Variants in NDUFB8 observed in about 807,000 individuals in gnomAD.
NDUFB8 encodes NADH dehydrogenase [ubiquinone] 1 beta subcomplex subunit 8, mitochondrial.
NDUFB8 carries 17 observed loss-of-function variants against 26.0 expected under a neutral mutation model. The observed-to-expected ratio is 0.65, with a 90% CI of 0.45 to 0.98. NDUFB8 has a LOEUF of 0.98. Ranked by LOEUF, NDUFB8 falls within the 50% of genes least tolerant of loss-of-function variation. NDUFB8 has a pLI of 0.00. For synonymous variants in NDUFB8, 89 were observed against 93.1 expected, an observed-to-expected ratio of 0.96 and a Z score of 0.25; for missense variants, 238 against 255.0, an observed-to-expected ratio of 0.93 and a Z score of 0.45.
chr10:100,526,324 T>G lies in NDUFB8; in HGVS notation c.468+75A>C, dbSNP rs1345092973. On this transcript the variant is annotated intron_variant, in intron 4 of 4. Coordinates refer to ENST00000299166, the MANE Select transcript of NDUFB8 (RefSeq NM_005004.4). ...CCAAGCTTGGTATTGACTGGATTCCTACCCCAGAGACTTCACTCCCTCAGG... is the reference window on the plus strand; with the variant it reads ...CCAAGCTTGGTATTGACTGGATTCCGACCCCAGAGACTTCACTCCCTCAGG... 12 of 1,487,076 alleles carry G rather than the reference T, an allele frequency of 8.1e-6. No individual in the cohort carries two copies. In the South Asian group the frequency reaches 1.4e-4, roughly 18 times the overall value. The allele number at this position is 1,487,076 out of a possible 1,614,324, so 92.1% of individuals were successfully genotyped here.
intron 3 of NDUFB8, 166 bp downstream of exon 3, chr10:100,526,809 G>T: frequency 1.4e-6 from 1 of 737,316 alleles, no homozygotes; most frequent in Non-Finnish European, 2.3e-6. Context: ...ATTCCCAGAC[G>T]TCCCATTCAG....
chr10:100,525,717 C>CGT (rs71013460), intron 4 of NDUFB8, among the ~76,000 whole-genome samples: 781 of 46,024 alleles, frequency 0.017, 103 homozygotes, highest in Middle Eastern at 0.028. Context: ...TAAGCACATA[C>CGT]GTGTGTGTGT....
rs1589745291 is a variant in NDUFB8 at position 100,523,743 on chromosome 10, C to G, written c.*94G>C. ...TCCTGGGGAAATGAGGCACAAATAA[C>G]ACAGCACTGAGTTTTATTAGGGATT... On this transcript the variant is annotated 3_prime_UTR_variant, in exon 5 of 5. Transcript: ENST00000299166. 7 of 1,196,374 alleles carry G rather than the reference C, an allele frequency of 5.9e-6. No homozygotes were observed. Among genetic ancestry groups the G allele is most frequent in the Admixed American group, 2.1e-5 (1 of 47,670 alleles). 74.1% of individuals were successfully genotyped at this position (1,196,374 alleles called of 1,614,324 possible). A position where few individuals can be genotyped will look rare whatever the true frequency, so the allele number is the denominator to read the frequency against.
At position 100,524,095 on chromosome 10, in the gene NDUFB8, C is replaced by T; in HGVS notation, c.469-166G>A. 1 of 1,576,438 alleles carries T rather than the reference C, an allele frequency of 6.3e-7. No individual in the cohort carries two copies. The highest frequency in any genetic ancestry group is 8.6e-7 in the Non-Finnish European group (1 of 1,161,676). On this transcript the variant is annotated intron_variant, in intron 4 of 4. Transcript: ENST00000299166. This position sits in a 1 kb window ranked among gnomAD's most constrained non-coding sequence, Gnocchi z 4.0. ...CAGCACTCCTCTTCCTCACTCAGCCCAAGGCAGAGAGAAAGCCTAAATTGT... is the reference window on the plus strand; with the variant it reads ...CAGCACTCCTCTTCCTCACTCAGCCTAAGGCAGAGAGAAAGCCTAAATTGT...
intron 4 of NDUFB8, 54 bp from the exon 5 acceptor site, chr10:100,523,983 A>G: frequency 1.2e-6 from 2 of 1,612,076 alleles, no homozygotes; most frequent in Non-Finnish European, 1.7e-6. Context: ...ATACCTGGCT[A>G]CACCCCACTC....
chr10:100,524,636 T>G lies in NDUFB8; in HGVS notation c.469-707A>C, dbSNP rs1852013817. 6.6e-6 allele frequency among the ~76,000 whole-genome samples: 1 copy of G among 152,214 alleles called. No individual in the cohort carries two copies. On this transcript the variant is annotated intron_variant, in intron 4 of 4. Transcript: ENST00000299166. The surrounding 1 kb of genome is among the most constrained non-coding windows in gnomAD (Gnocchi z 4.0). ...GGCTTGGTAGGAAGGCTCGTGTCAG[T>G]GCACACAGACATACCAGCTACCTTC...
intron 4 of NDUFB8, 82 bp downstream of exon 4, chr10:100,526,317 G>A (rs1852049232): frequency 6.8e-7 from 1 of 1,470,550 alleles, no homozygotes; most frequent in East Asian, 2.4e-5. Flanking sequence ...GGTATTGACT[G>A]GATTCCTACC....
chr10:100,529,768 T>C lies in NDUFB8; in HGVS notation c.84A>G (p.Thr28=). ...GAGGTCTCGCCCGTTCTCGCGGACC[T>C]GTCCGTGCGCCCAGCGGCATCACGT... ...SRNVMPLGAR[T]ASHMTKDMFP... is the part of the protein sequence containing the mutation. The change falls in exon 1 of 5, where the codon ACA becomes ACG. Residue 28 remains threonine (T), a splice_region_variant and synonymous_variant. Transcript: ENST00000299166. The C allele has an allele frequency of 2.5e-6, 4 of 1,613,154 alleles. No homozygotes were observed. The highest frequency in any genetic ancestry group is 3.4e-6 in the Non-Finnish European group (4 of 1,179,768).
chr10:100,526,509 A>G lies in NDUFB8; in HGVS notation c.358T>C (p.Ser120Pro). 1 of 1,610,814 alleles carries G rather than the reference A, an allele frequency of 6.2e-7. No individual in the cohort carries two copies. Among genetic ancestry groups the G allele is most frequent in the Non-Finnish European group, 8.5e-7 (1 of 1,179,190 alleles). The change falls in exon 4 of 5, where the codon TCC becomes CCC. Residue 120 changes from serine (S) to proline (P), a missense_variant. Coordinates refer to ENST00000299166, the MANE Select transcript of NDUFB8 (RefSeq NM_005004.4). ...ACATGCCAAGAAACAGGTGTGGGGGATGTATCCACACGGTTCCTGTTGTAC... is the reference window on the plus strand; with the variant it reads ...ACATGCCAAGAAACAGGTGTGGGGGGTGTATCCACACGGTTCCTGTTGTAC... The part of the protein sequence containing the change: ...DMYNRNRVDT[S>P]PTPVSWHVMC...
In NDUFB8 at chr10:100,524,580, C is replaced by T. The variant is rs1396044559; in HGVS notation, c.469-651G>A. Among the ~76,000 whole-genome samples the T allele has an allele frequency of 6.6e-6, 1 of 152,206 alleles. No individual in the cohort carries two copies. Among genetic ancestry groups the T allele is most frequent in the Non-Finnish European group, 1.5e-5 (1 of 68,030 alleles). On this transcript the variant is annotated intron_variant, in intron 4 of 4. Coordinates refer to ENST00000299166, the MANE Select transcript of NDUFB8 (RefSeq NM_005004.4). This position sits in a 1 kb window ranked among gnomAD's most constrained non-coding sequence, Gnocchi z 4.0. ...AGTGAAGTTAGTGCTCACCCTAGCCCTACGTGCATTCTCCAGCATGGAGCC... is the reference window on the plus strand; with the variant it reads ...AGTGAAGTTAGTGCTCACCCTAGCCTTACGTGCATTCTCCAGCATGGAGCC...
chr10:100,526,902 G>A, intron 3 of NDUFB8, 73 bp downstream of exon 3: 1 of 1,380,046 alleles, frequency 7.2e-7, no homozygotes, highest in South Asian at 1.2e-5. Flanking sequence ...GGTCAAAGAA[G>A]TGCCATCTGA....
intron 1 of NDUFB8, 56 bp downstream of exon 1, chr10:100,529,711 A>C: frequency 6.4e-7 from 1 of 1,574,470 alleles, no homozygotes; most frequent in Non-Finnish European, 8.7e-7. Context: ...CCCTCCCGAT[A>C]CACCAAATTT....
In NDUFB8 at chr10:100,529,859, T is replaced by C. The variant is rs766447378; in HGVS notation, c.-8A>G. 3 of 1,613,634 alleles carry C rather than the reference T, an allele frequency of 1.9e-6. No individual in the cohort carries two copies. In the South Asian group the frequency reaches 3.3e-5, roughly 18 times the overall value. Reference sequence around the variant, plus strand: ...GGCCCTGGCCACCGCCATCTTCACCTTCTTCACGTTTCCCTTCTGCACATG... The same window carrying C: ...GGCCCTGGCCACCGCCATCTTCACCCTCTTCACGTTTCCCTTCTGCACATG... On this transcript the variant is annotated 5_prime_UTR_variant, in exon 1 of 5. Coordinates refer to ENST00000299166, the MANE Select transcript of NDUFB8 (RefSeq NM_005004.4).
rs968079669 is a variant in NDUFB8, at chr10:100,526,842, C to T, written c.312+133G>A. Reference sequence around the variant, plus strand: ...CAGTGTGCCACATGCAATCTCAGATCTCACATCACTGGACCTTGCTTCCTT... The same window carrying T: ...CAGTGTGCCACATGCAATCTCAGATTTCACATCACTGGACCTTGCTTCCTT... On this transcript the variant is annotated intron_variant, in intron 3 of 4. Transcript: ENST00000299166. 5 of 853,934 alleles carry T rather than the reference C, an allele frequency of 5.9e-6. 1 individual carries two copies. The highest frequency in any genetic ancestry group is 4.6e-5 in the Admixed American group (2 of 43,784). The allele number at this position is 853,934 out of a possible 1,614,324, so 52.9% of individuals were successfully genotyped here.
chr10:100,525,401 C>T (rs1168734216), intron 4 of NDUFB8, among the ~76,000 whole-genome samples: 1 of 151,968 alleles, frequency 6.6e-6, no homozygotes, highest in African/African-American at 2.4e-5. Context: ...GGATTACAGG[C>T]ACGCACCACC....
At chr10:100,529,189 A>C in intron 2 of NDUFB8, 191 bp downstream of exon 2, 14 of 427,250 alleles carry the variant, frequency 3.3e-5, no homozygotes, top group East Asian at 1.1e-4. Flanking sequence ...GCCAAGGAGA[A>C]AATTGAAGTC....
Position 100,529,423 on chromosome 10 carries a change from T to C in NDUFB8, c.169A>G (p.Met57Val), listed in dbSNP as rs371166959. The change falls in exon 2 of 5, where the codon ATG becomes GTG. Residue 57 changes from methionine (M) to valine (V), a missense_variant. Met to Val is a conservative substitution (Grantham distance 21). Transcript: ENST00000299166. The part of the protein sequence containing the change: ...ERAAAAKKYN[M>V]RVEDYEPYPD... Reference sequence around the variant, plus strand: ...TAAGGTTCGTAGTCTTCCACACGCATATTATACTTCTTGGCGGCGGCGGCC... The same window carrying C: ...TAAGGTTCGTAGTCTTCCACACGCACATTATACTTCTTGGCGGCGGCGGCC... The C allele has an allele frequency of 6.2e-7, 1 of 1,612,998 alleles. No individual in the cohort carries two copies. The highest frequency in any genetic ancestry group is 1.1e-5 in the South Asian group (1 of 90,920).
intron 2 of NDUFB8, 50 bp downstream of exon 2, chr10:100,529,330 C>T (rs748054843): frequency 5.3e-5 from 81 of 1,514,790 alleles, no homozygotes; most frequent in Admixed American, 7.2e-5. Flanking sequence ...CCAACCCAGC[C>T]GGCCTTCTCC....
At chr10:100,526,284 T>C (rs779550032) in intron 4 of NDUFB8, 115 bp downstream of exon 4, 46 of 1,270,332 alleles carry the variant, frequency 3.6e-5, no homozygotes, top group Non-Finnish European at 4.7e-5. Flanking sequence ...TCCTATCTCC[T>C]AAGACTCCAG....
Sources: gnomAD v4.1 joint callset for allele counts (sites outside exome capture counted in the v4.1 genomes callset) on GRCh38, gnomAD v4.1.1 for gene constraint, Gnocchi (gnomAD v3.1) non-coding constraint, MANE v1.5 for transcripts, NCBI Gene and HGNC (gene_info 2026-07-23, HGNC 2026-07-21) for gene names.